SH3RF3: variants seen among roughly 807,000 people sequenced by gnomAD.
SH3RF3 encodes the protein SH3 domain containing ring finger 3, also known as E3 ubiquitin-protein ligase SH3RF3.
Under a neutral mutation model 66.3 loss-of-function variants are expected in SH3RF3, and 29 were observed. That is an observed-to-expected ratio of 0.44 (90% CI 0.33 to 0.60). The LOEUF (loss-of-function observed/expected upper bound fraction) is 0.60. Ranked by LOEUF, SH3RF3 falls within the 20% of genes least tolerant of loss-of-function variation. The pLI, the probability that SH3RF3 is intolerant of heterozygous loss-of-function variation, is 0.04. For synonymous variants in SH3RF3, 583 were observed against 532.0 expected, an observed-to-expected ratio of 1.10 and a Z score of -1.32; for missense variants, 1,194 against 1,190.9, an observed-to-expected ratio of 1.00 and a Z score of -0.04.
At chr2:109,279,254 T>C (rs982656770) in intron 1 of SH3RF3, among the ~76,000 whole-genome samples, 1 of 152,216 alleles carries the variant, frequency 6.6e-6, no homozygotes, top group Non-Finnish European at 1.5e-5. Context: ...TGAATGTGGC[T>C]TAGCTCCTGC....
At chr2:109,162,062 A>T (rs1329920993) in intron 1 of SH3RF3, among the ~76,000 whole-genome samples, 1 of 152,098 alleles carries the variant, frequency 6.6e-6, no homozygotes, top group Non-Finnish European at 1.5e-5. Context: ...GAGGGAGTTT[A>T]TGGATGCTGA....
chr2:109,358,777 A>G (rs1683001382), intron 2 of SH3RF3, among the ~76,000 whole-genome samples: 1 of 152,220 alleles, frequency 6.6e-6, no homozygotes, highest in Non-Finnish European at 1.5e-5. Context: ...AGTACAAATT[A>G]CTAATTTTAA....
At chr2:109,305,410 A>G (rs1475539103) in intron 1 of SH3RF3, among the ~76,000 whole-genome samples, 1 of 152,096 alleles carries the variant, frequency 6.6e-6, no homozygotes, top group Non-Finnish European at 1.5e-5. Context: ...GCCCCTTCTT[A>G]GGGGAACATC....
chr2:109,255,398 G>A (rs879924950), intron 1 of SH3RF3, among the ~76,000 whole-genome samples: 1 of 152,170 alleles, frequency 6.6e-6, no homozygotes, highest in Non-Finnish European at 1.5e-5. Context: ...ACCAGGGAAT[G>A]TCTGGGTTGT....
intron 1 of SH3RF3, among the ~76,000 whole-genome samples, chr2:109,164,919 T>C (rs1401447103): frequency 6.6e-6 from 1 of 152,240 alleles, no homozygotes; most frequent in African/African-American, 2.4e-5. Context: ...ACACTACAAC[T>C]GGACCATTGC....
intron 1 of SH3RF3, among the ~76,000 whole-genome samples, chr2:109,248,723 C>T (rs973798257): frequency 1.3e-5 from 2 of 152,008 alleles, no homozygotes; most frequent in Non-Finnish European, 2.9e-5. Flanking sequence ...TTGCCTCCTT[C>T]TTTTCTTTCT....
At chr2:109,261,313 G>T (rs1558988248) in intron 1 of SH3RF3, among the ~76,000 whole-genome samples, 1 of 152,190 alleles carries the variant, frequency 6.6e-6, no homozygotes, top group South Asian at 2.1e-4. Context: ...AGGAAGCCTT[G>T]ATCCGCACAC....
At chr2:109,274,295 A>G (rs1680697033) in intron 1 of SH3RF3, among the ~76,000 whole-genome samples, 1 of 152,192 alleles carries the variant, frequency 6.6e-6, no homozygotes, top group Non-Finnish European at 1.5e-5. Flanking sequence ...GTGTGTGCCC[A>G]AAAGAATTAA....
intron 1 of SH3RF3, among the ~76,000 whole-genome samples, chr2:109,168,603 T>G (rs1677683497): frequency 6.6e-6 from 1 of 152,240 alleles, no homozygotes; most frequent in African/African-American, 2.4e-5. Flanking sequence ...CTGACTGATC[T>G]GGCCGTAGGT....
chr2:109,229,322 T>TTACAACAGAGG (rs1679444743), intron 1 of SH3RF3, among the ~76,000 whole-genome samples: 1 of 152,242 alleles, frequency 6.6e-6, no homozygotes, highest in African/African-American at 2.4e-5. Context: ...TGTTAACACC[T>TTACAACAGAGG]TACATTAGCA....
At chr2:109,344,855 T>A (rs1472948245) in intron 1 of SH3RF3, among the ~76,000 whole-genome samples, 1 of 152,094 alleles carries the variant, frequency 6.6e-6, no homozygotes, top group African/African-American at 2.4e-5. Flanking sequence ...AGCTTGCAGA[T>A]GTCCAGCAGA....
intron 1 of SH3RF3, among the ~76,000 whole-genome samples, chr2:109,195,839 T>C (rs1678485996): frequency 6.6e-6 from 1 of 152,214 alleles, no homozygotes; most frequent in Non-Finnish European, 1.5e-5. Flanking sequence ...TGTCGCCTGA[T>C]CCCGGCATGG....
At chr2:109,299,668 C>A (rs1278487367) in intron 1 of SH3RF3, among the ~76,000 whole-genome samples, 2 of 152,156 alleles carry the variant, frequency 1.3e-5, no homozygotes. Context: ...ACTTGCCGAA[C>A]CTAAAAGCCA....
intron 1 of SH3RF3, among the ~76,000 whole-genome samples, chr2:109,304,082 C>T (rs1179091855): frequency 6.7e-6 from 1 of 149,830 alleles, no homozygotes; most frequent in Non-Finnish European, 1.5e-5. Context: ...GCCTGGGCAA[C>T]AGGAGCAAAA....
chr2:109,264,403 G>A (rs1318356552), intron 1 of SH3RF3, among the ~76,000 whole-genome samples: 2 of 151,876 alleles, frequency 1.3e-5, no homozygotes, highest in Non-Finnish European at 2.9e-5. Context: ...CGAGTCTGTG[G>A]GTGCCCCCCA....
chr2:109,391,837 G>A (rs1477348959), intron 3 of SH3RF3, among the ~76,000 whole-genome samples: 2 of 151,906 alleles, frequency 1.3e-5, no homozygotes, highest in African/African-American at 4.8e-5. Context: ...CTAAAAATAT[G>A]GTCTTCTTTT....
At chr2:109,491,712 G>C (rs1679135222) in intron 9 of SH3RF3, among the ~76,000 whole-genome samples, 1 of 152,164 alleles carries the variant, frequency 6.6e-6, no homozygotes, top group African/African-American at 2.4e-5. Flanking sequence ...AGATACGATG[G>C]CTGTCAGGTT....
intron 1 of SH3RF3, among the ~76,000 whole-genome samples, chr2:109,327,560 C>T (rs1168893332): frequency 3.3e-5 from 5 of 152,192 alleles, no homozygotes; most frequent in Non-Finnish European, 7.4e-5. Flanking sequence ...AACTATACAT[C>T]AAGTTGGGAG....
intron 1 of SH3RF3, among the ~76,000 whole-genome samples, chr2:109,224,060 A>T (rs1399720697): frequency 6.6e-6 from 1 of 152,250 alleles, no homozygotes; most frequent in Admixed American, 6.5e-5. Context: ...TAGAATGTTA[A>T]GAGCTGGAAT....
Sources: gnomAD v4.1 joint callset for allele counts (sites outside exome capture counted in the v4.1 genomes callset) on GRCh38, gnomAD v4.1.1 for gene constraint, MANE v1.5 for transcripts, NCBI Gene and HGNC (gene_info 2026-07-23, HGNC 2026-07-21) for gene names.